Variants in SYT5 observed in about 807,000 individuals in gnomAD.
SYT5 encodes synaptotagmin 5.
A neutral mutation model predicts 36.0 loss-of-function variants in SYT5; 29 were observed. That is an observed-to-expected ratio of 0.81 (90% CI 0.60 to 1.10). SYT5 has a LOEUF of 1.10. SYT5 is among the 50% of genes least tolerant of loss of function. The pLI is 0.00. For synonymous variants in SYT5, 231 were observed against 227.6 expected (o/e 1.02, Z -0.14); for missense variants, 512 against 516.0 (o/e 0.99, Z 0.08).
At position 55,178,990 on chromosome 19, in the gene SYT5, C is replaced by T. The variant is rs751013867; in HGVS notation, c.52G>A (p.Asp18Asn). The change falls in exon 2 of 9, where the codon GAC (aspartate) becomes AAC (asparagine). Residue 18 changes from aspartate to asparagine, a missense_variant. By Grantham distance (23) the Asp-to-Asn change is conservative. Transcript: ENST00000354308. ...GGGCCGTGGCTGATGCGACTGGAGT[C>T]GGGAGGCGTGTCGGGCGATGGAGGC... ...PGPPSPDTPP[D>N]SSRISHGPVP... 30 of 1,585,120 alleles carry T rather than the reference C, an allele frequency of 1.9e-5. No individual in the cohort carries two copies. The South Asian group carries it at 2.6e-4, about 14-fold the overall frequency.
In SYT5 at chr19:55,173,658, C is replaced by T; in HGVS notation, c.987G>A (p.Leu329=). 2.1e-6 allele frequency: 3 copies of T among 1,460,304 alleles called. No homozygotes were observed. Among genetic ancestry groups the T allele is most frequent in the Non-Finnish European group, 1.8e-6 (2 of 1,106,802 alleles). The allele number at this position is 1,460,304 out of a possible 1,614,324, so 90.5% of individuals were successfully genotyped here. ...VQKVQVELTV[L]DYDKLGKNEA... is the part of the protein sequence containing the mutation. ...CGTTCTTGCCCAGCTTGTCGTAGTC[C>T]AGCACGGTCAGCTCCACCTGCACCT... Residue 329 remains leucine, a synonymous_variant, in exon 9 of 9, where the codon CTG becomes CTA. Transcript: ENST00000354308. This position sits in a 1 kb window ranked among gnomAD's most constrained non-coding sequence, Gnocchi z 5.4.
chr19:55,172,168 C>G lies in SYT5; in HGVS notation c.*1316G>C, dbSNP rs1750198863. 2 of 152,076 alleles carry G rather than the reference C, an allele frequency of 1.3e-5. No homozygotes were observed. The highest frequency in any genetic ancestry group is 4.8e-5 in the African/African-American group (2 of 41,392). The allele number at this position is 152,076 out of a possible 1,614,324, so 9.4% of individuals were successfully genotyped here. A position where few individuals can be genotyped will look rare whatever the true frequency, so the allele number is the denominator to read the frequency against. On this transcript the variant is annotated 3_prime_UTR_variant, in exon 9 of 9. Coordinates refer to ENST00000354308, the MANE Select transcript of SYT5 (RefSeq NM_003180.3). Reference sequence around the variant, plus strand: ...GGGCGCGGTGGCTCACGCCTGTAATCCTAGCACATTGGGAGGCCGAGGCGG... The same window carrying G: ...GGGCGCGGTGGCTCACGCCTGTAATGCTAGCACATTGGGAGGCCGAGGCGG...
chr19:55,178,385 A>G lies in SYT5; in HGVS notation c.80-17T>C, dbSNP rs770501412. Reference sequence around the variant, plus strand: ...AGGGGGGCACTGCAGAGGGGTGGAGACAACACACATTGAGGCCTGGGCAGC... The same window carrying G: ...AGGGGGGCACTGCAGAGGGGTGGAGGCAACACACATTGAGGCCTGGGCAGC... On this transcript the variant is annotated splice_polypyrimidine_tract_variant and intron_variant, in intron 2 of 8. Coordinates refer to ENST00000354308, the MANE Select transcript of SYT5 (RefSeq NM_003180.3). 2.5e-6 allele frequency: 4 copies of G among 1,605,952 alleles called. No individual in the cohort carries two copies. The highest frequency in any genetic ancestry group is 3.4e-6 in the Non-Finnish European group (4 of 1,177,078).
rs1312275763 is a variant in SYT5, at chr19:55,172,837, C to T, written c.*647G>A. ...ATTCATGGACAAGCAAGGGAGTTCT[C>T]GCGGACTCCTCACAGCCAGCGTGTG... is the stretch of plus-strand genomic sequence containing the variant. On this transcript the variant is annotated 3_prime_UTR_variant, in exon 9 of 9. Transcript: ENST00000354308. 1 of 152,244 alleles carries T rather than the reference C, an allele frequency of 6.6e-6. No individual in the cohort carries two copies. Among genetic ancestry groups the T allele is most frequent in the Non-Finnish European group, 1.5e-5 (1 of 68,060 alleles). The allele number at this position is 152,244 out of a possible 1,614,324, so 9.4% of individuals were successfully genotyped here.
chr19:55,175,300 C>T lies in SYT5; in HGVS notation c.580G>A (p.Ala194Thr). Residue 194 changes from alanine to threonine, a missense_variant, in exon 6 of 9, where the codon GCG becomes ACG. Coordinates refer to ENST00000354308, the MANE Select transcript of SYT5 (RefSeq NM_003180.3). This position sits in a 1 kb window ranked among gnomAD's most constrained non-coding sequence, Gnocchi z 4.5. ...GAGAAGCGGTCGAAGTCGTACACCG[C>T]CATGACCAGCACCCTGCCCCCCAGC... Reference protein sequence around the residue: ...VELGGRVLVMAVYDFDRFSRN... With the variant: ...VELGGRVLVMTVYDFDRFSRN... The T allele has an allele frequency of 1.3e-6, 2 of 1,575,960 alleles. No individual in the cohort carries two copies. The highest frequency in any genetic ancestry group is 8.6e-7 in the Non-Finnish European group (1 of 1,162,266).
rs141139812 is a variant in SYT5 at position 55,174,929 on chromosome 19, A to G, written c.779T>C (p.Val260Ala). The G allele has an allele frequency of 3.7e-4, 604 of 1,614,150 alleles. No homozygotes were observed. Among genetic ancestry groups the G allele is most frequent in the Non-Finnish European group, 4.8e-4 (568 of 1,180,018 alleles). The change falls in exon 7 of 9, where the codon GTC becomes GCC. Residue 260 changes from valine to alanine, a missense_variant. Coordinates refer to ENST00000354308, the MANE Select transcript of SYT5 (RefSeq NM_003180.3). ...VPTAGKLTVI[V>A]LEAKNLKKMD... ...CTTCTTCAGGTTTTTAGCCTCCAGGACGATGACGGTGAGCTTCCCGGCCGT... is the reference window on the plus strand; with the variant it reads ...CTTCTTCAGGTTTTTAGCCTCCAGGGCGATGACGGTGAGCTTCCCGGCCGT...
chr19:55,178,753 A>ATTTTTTTTTTTTTTTTTTTTT (rs5828614), intron 2 of SYT5, among the ~76,000 whole-genome samples: 2 of 50,472 alleles, frequency 4.0e-5, no homozygotes, highest in African/African-American at 9.7e-5. Context: ...TCCGGTTTCG[A>ATTTTTTTTTTTTTTTTTTTTT]TTTTTTTTTT....
rs1285613706 is a variant in SYT5, at chr19:55,175,573, C to T, written c.540+136G>A. The T allele has an allele frequency of 5.6e-6, 7 of 1,255,320 alleles. No homozygotes were observed. The highest frequency in any genetic ancestry group is 7.8e-6 in the Non-Finnish European group (7 of 897,668). The allele number at this position is 1,255,320 out of a possible 1,614,324, so 77.8% of individuals were successfully genotyped here. On this transcript the variant is annotated intron_variant, in intron 5 of 8. Transcript: ENST00000354308. This position sits in a 1 kb window ranked among gnomAD's most constrained non-coding sequence, Gnocchi z 4.5. ...CCAGGAGTCAGTAGTGCCCAGGGTC[C>T]AGTGGAATAGCCCCAGAGCTGGTAG...
In SYT5 at chr19:55,171,258, A is replaced by T. The variant is rs1031077365; in HGVS notation, c.*2226T>A. Reference sequence around the variant, plus strand: ...TGCTGTGAGGATTATTATTGGCAGTAATAGTAGTAACATAAAGGGCTGTCT... The same window carrying T: ...TGCTGTGAGGATTATTATTGGCAGTTATAGTAGTAACATAAAGGGCTGTCT... On this transcript the variant is annotated 3_prime_UTR_variant, in exon 9 of 9. Transcript: ENST00000354308. 4.0e-5 allele frequency: 6 copies of T among 150,326 alleles called. No homozygotes were observed. Among genetic ancestry groups the T allele is most frequent in the Non-Finnish European group, 8.9e-5 (6 of 67,484 alleles). 9.3% of individuals were successfully genotyped at this position (150,326 alleles called of 1,614,324 possible).
Position 55,173,525 on chromosome 19 carries a change from G to T in SYT5, c.1120C>A (p.Leu374Met). ...PRRPIAQWHS[L>M]RPPDRVRLLP... The stretch of plus-strand genomic sequence containing the variant: ...AGCCTCACTCGGTCCGGGGGCCGCA[G>T]CGAGTGCCACTGGGCAATGGGCCGC... Residue 374 changes from leucine (L) to methionine (M), a missense_variant, in exon 9 of 9, where the codon CTG (leucine) becomes ATG (methionine). Coordinates refer to ENST00000354308, the MANE Select transcript of SYT5 (RefSeq NM_003180.3). The surrounding 1 kb of genome is among the most constrained non-coding windows in gnomAD (Gnocchi z 5.4). 2 of 1,410,296 alleles carry T rather than the reference G, an allele frequency of 1.4e-6. No homozygotes were observed. 87.4% of individuals were successfully genotyped at this position (1,410,296 alleles called of 1,614,324 possible).
chr19:55,178,753 ATTTTTTTTTTTT>A (rs5828614), intron 2 of SYT5, among the ~76,000 whole-genome samples, 198 bp downstream of exon 2: 1,237 of 50,660 alleles, frequency 0.024, 19 homozygotes, highest in Non-Finnish European at 0.032. Context: ...TCCGGTTTCG[ATTTTTTTTTTTT>A]TTTTTTTTTT....
chr19:55,173,795 T>G lies in SYT5; in HGVS notation c.961-111A>C. 3 of 1,180,202 alleles carry G rather than the reference T, an allele frequency of 2.5e-6. No homozygotes were observed. Among genetic ancestry groups the G allele is most frequent in the Non-Finnish European group, 3.3e-6 (3 of 920,332 alleles). 73.1% of individuals were successfully genotyped at this position (1,180,202 alleles called of 1,614,324 possible). ...GTACCTCTCGCTGCCACCCGAGGGC[T>G]CGGGGCCCCGGAGCTCGGGACGGGG... On this transcript the variant is annotated intron_variant, in intron 8 of 8. Coordinates refer to ENST00000354308, the MANE Select transcript of SYT5 (RefSeq NM_003180.3). This position sits in a 1 kb window ranked among gnomAD's most constrained non-coding sequence, Gnocchi z 5.4.
At position 55,179,077 on chromosome 19, in the gene SYT5, C is replaced by G. The variant is rs369328758; in HGVS notation, c.-36G>C. 6.3e-7 allele frequency: 1 copy of G among 1,582,588 alleles called. No homozygotes were observed. On this transcript the variant is annotated 5_prime_UTR_variant, in exon 2 of 9. Transcript: ENST00000354308. This position sits in a 1 kb window ranked among gnomAD's most constrained non-coding sequence, Gnocchi z 4.5. ...TCCTGGAGTCTTTTCTGCAGAGACACTCAAGCACCCTAGTCCCCCATTCCC... is the reference window on the plus strand; with the variant it reads ...TCCTGGAGTCTTTTCTGCAGAGACAGTCAAGCACCCTAGTCCCCCATTCCC...
At position 55,178,192 on chromosome 19, in the gene SYT5, A is replaced by G; in HGVS notation, c.252+4T>C. 1 of 1,606,662 alleles carries G rather than the reference A, an allele frequency of 6.2e-7. No homozygotes were observed. On this transcript the variant is annotated splice_donor_region_variant and intron_variant, in intron 3 of 8. Transcript: ENST00000354308. Reference sequence around the variant, plus strand: ...CCAGGTGGAGGGGCTGGGCTGGGCCACACCTTGTCTATGTAACTCTGGCCC... The same window carrying G: ...CCAGGTGGAGGGGCTGGGCTGGGCCGCACCTTGTCTATGTAACTCTGGCCC...
At position 55,173,492 on chromosome 19, in the gene SYT5, C is replaced by T. The variant is rs1370060441; in HGVS notation, c.1153G>A (p.Ala385Thr). ...RPPDRVRLLP[A>T]P ...GGGGCTTGGGGTGGGAGTCAGGGCG[C>T]AGGCAGCAGCCTCACTCGGTCCGGG... Residue 385 changes from alanine to threonine, a missense_variant, in exon 9 of 9, where the codon GCG (alanine) becomes ACG (threonine). Coordinates refer to ENST00000354308, the MANE Select transcript of SYT5 (RefSeq NM_003180.3). This position sits in a 1 kb window ranked among gnomAD's most constrained non-coding sequence, Gnocchi z 5.4. 1.2e-5 allele frequency: 17 copies of T among 1,360,070 alleles called. No homozygotes were observed. Among genetic ancestry groups the T allele is most frequent in the Non-Finnish European group, 1.5e-5 (16 of 1,056,064 alleles). The allele number at this position is 1,360,070 out of a possible 1,614,324, so 84.3% of individuals were successfully genotyped here.
chr19:55,178,619 C>G (rs138609377), intron 2 of SYT5, among the ~76,000 whole-genome samples: 2 of 152,044 alleles, frequency 1.3e-5, no homozygotes, highest in Non-Finnish European at 2.9e-5. Flanking sequence ...CCCCCCATTT[C>G]TGCTCAACTC....
At position 55,174,883 on chromosome 19, in the gene SYT5, T is replaced by G. The variant is rs2086053552; in HGVS notation, c.825A>C (p.Ser275=). The G allele has an allele frequency of 2.0e-5, 32 of 1,613,366 alleles. No individual in the cohort carries two copies. Among genetic ancestry groups the G allele is most frequent in the Non-Finnish European group, 2.6e-5 (31 of 1,179,510 alleles). ...NLKKMDVGGL[S]DPYVKVHLLQ... ...CCCACTCCCTTGCTTCCCACACACC[T>G]GACAGTCCTCCTACGTCCATCTTCT... is the stretch of plus-strand genomic sequence containing the variant. Residue 275 remains serine (S), a splice_region_variant and synonymous_variant, in exon 7 of 9, where the codon TCA becomes TCC. Transcript: ENST00000354308.
chr19:55,174,823 A>T, intron 7 of SYT5, 59 bp downstream of exon 7: 1 of 1,587,036 alleles, frequency 6.3e-7, no homozygotes, highest in Non-Finnish European at 8.6e-7. Context: ...AGAAACTGTC[A>T]GAACGAGAAC....
chr19:55,178,974 C>G lies in SYT5; in HGVS notation c.68G>C (p.Ser23Thr), dbSNP rs763015808. ...CGGGTCTTGCTCACCTGGGCCGTGG[C>G]TGATGCGACTGGAGTCGGGAGGCGT... ...PDTPPDSSRI[S>T]HGPVPPWALA... Residue 23 changes from serine (S) to threonine (T), a missense_variant, in exon 2 of 9, where the codon AGC becomes ACC. Ser to Thr is a moderately conservative substitution (Grantham distance 58). Coordinates refer to ENST00000354308, the MANE Select transcript of SYT5 (RefSeq NM_003180.3). The G allele has an allele frequency of 7.0e-6, 11 of 1,567,610 alleles. No individual in the cohort carries two copies. Among genetic ancestry groups the G allele is most frequent in the Middle Eastern group, 1.7e-4 (1 of 5,760 alleles).
Sources: gnomAD v4.1 joint callset for allele counts (sites outside exome capture counted in the v4.1 genomes callset) on GRCh38, gnomAD v4.1.1 for gene constraint, Gnocchi (gnomAD v3.1) non-coding constraint, MANE v1.5 for transcripts, NCBI Gene and HGNC (gene_info 2026-07-23, HGNC 2026-07-21) for gene names.